The following MUSK variants were observed in gnomAD, a reference collection of about 807,000 sequenced individuals.
The protein encoded by MUSK is muscle, skeletal receptor tyrosine-protein kinase.
In MUSK, 55 loss-of-function variants were observed where a neutral mutation model predicts 88.7. The ratio of observed to expected loss-of-function variants is 0.62; its 90% confidence interval spans 0.50 to 0.78. The LOEUF (loss-of-function observed/expected upper bound fraction) is 0.78, where lower values mean the gene tolerates loss of function less well. MUSK is among the 30% of genes least tolerant of loss of function. The probability of loss-of-function intolerance (pLI) is 0.00; values close to 1 mark genes in which losing one functional copy is unlikely to be tolerated. For synonymous variants in MUSK, 387 were observed against 391.9 expected (o/e 0.99, Z 0.15); for missense variants, 1,015 against 1,074.3 (o/e 0.94, Z 0.77).
At chr9:110,737,891 C>T (rs745473429) in intron 6 of MUSK, among the ~76,000 whole-genome samples, 15 of 152,158 alleles carry the variant, frequency 9.9e-5, no homozygotes, top group Admixed American at 2.0e-4. Context: ...TGATTGTCAA[C>T]TATAGGAACC....
intron 9 of MUSK, 96 bp from the exon 10 acceptor site, chr9:110,775,692 T>C (rs989038655): frequency 4.6e-5 from 53 of 1,160,442 alleles, no homozygotes; most frequent in African/African-American, 7.6e-5. Flanking sequence ...CAATTTACCA[T>C]GATGATGTCT....
At chr9:110,744,974 T>C (rs1252553381) in intron 6 of MUSK, among the ~76,000 whole-genome samples, 2 of 152,198 alleles carry the variant, frequency 1.3e-5, no homozygotes, top group Non-Finnish European at 2.9e-5. Flanking sequence ...GTTTTTATTT[T>C]CAGATCATCA....
chr9:110,680,871 C>A (rs1040818436), intron 1 of MUSK, among the ~76,000 whole-genome samples: 2 of 139,728 alleles, frequency 1.4e-5, no homozygotes, highest in Non-Finnish European at 3.0e-5. Context: ...TCACTGTATA[C>A]TTTATATCTC....
chr9:110,765,987 C>T (rs2077477385), intron 8 of MUSK, among the ~76,000 whole-genome samples: 1 of 152,090 alleles, frequency 6.6e-6, no homozygotes, highest in South Asian at 2.1e-4. Context: ...GAAACTAGCC[C>T]ATCCTGCTTG....
intron 9 of MUSK, among the ~76,000 whole-genome samples, chr9:110,768,979 T>C (rs905207649): frequency 3.3e-5 from 5 of 152,190 alleles, no homozygotes; most frequent in Non-Finnish European, 7.4e-5. Context: ...AAAAAGAATC[T>C]AGTTTTTGAG....
intron 8 of MUSK, among the ~76,000 whole-genome samples, chr9:110,767,599 G>A (rs575818064): frequency 1.3e-5 from 2 of 151,990 alleles, no homozygotes; most frequent in African/African-American, 2.4e-5. Flanking sequence ...CACATCTATC[G>A]TCACATTTGG....
Position 110,785,020 on chromosome 9 carries a change from A to C in MUSK, c.1586+4A>C, listed in dbSNP as rs752586658. 1.2e-5 allele frequency: 20 copies of C among 1,612,764 alleles called. No homozygotes were observed. The highest frequency in any genetic ancestry group is 1.7e-5 in the Non-Finnish European group (20 of 1,179,272). On this transcript the variant is annotated splice_donor_region_variant and intron_variant, in intron 12 of 14. Coordinates refer to ENST00000374448, the MANE Select transcript of MUSK (RefSeq NM_005592.4). ...AACAATGGAAAAATAAGAAAAGGTGAGATTCTAGTTTCAGCTAACCATGTG... is the reference window on the plus strand; with the variant it reads ...AACAATGGAAAAATAAGAAAAGGTGCGATTCTAGTTTCAGCTAACCATGTG...
intron 3 of MUSK, among the ~76,000 whole-genome samples, chr9:110,690,220 G>GTATA (rs1554736134): frequency 5.6e-5 from 3 of 53,196 alleles, no homozygotes; most frequent in South Asian, 7.5e-4. Flanking sequence ...ATATATTTAA[G>GTATA]TATAAATATA....
At chr9:110,734,101 G>T in intron 5 of MUSK, 150 bp from the exon 6 acceptor site, 1 of 809,148 alleles carries the variant, frequency 1.2e-6, no homozygotes. Context: ...TTGGAGGCTC[G>T]GCCATGGCAT....
chr9:110,785,644 G>T lies in MUSK; in HGVS notation c.1704G>T (p.Leu568=), dbSNP rs2077843780. The T allele has an allele frequency of 6.2e-7, 1 of 1,613,228 alleles. No individual in the cohort carries two copies. The highest frequency in any genetic ancestry group is 8.5e-7 in the Non-Finnish European group (1 of 1,179,530). ...TTCTGAACCCCAAATTGCTCAGCCT[G>T]GAGTATCCAAGGAATAACATTGAAT... ...PLLLNPKLLS[L]EYPRNNIEYV... The change falls in exon 13 of 15, where the codon CTG becomes CTT. Residue 568 remains leucine (L), a synonymous_variant. Transcript: ENST00000374448.
intron 8 of MUSK, among the ~76,000 whole-genome samples, chr9:110,764,635 A>ATAGG (rs1244106929): frequency 1.3e-5 from 2 of 150,860 alleles, no homozygotes; most frequent in African/African-American, 4.9e-5. Context: ...AGATAGATAG[A>ATAGG]TAGGTAGGTA....
At chr9:110,724,634 C>G (rs2076859231) in intron 5 of MUSK, among the ~76,000 whole-genome samples, 2 of 152,014 alleles carry the variant, frequency 1.3e-5, no homozygotes, top group Non-Finnish European at 2.9e-5. Flanking sequence ...AGAATTGGAA[C>G]TCAGCAGTGA....
chr9:110,689,125 A>G (rs192426904), intron 3 of MUSK, among the ~76,000 whole-genome samples: 2,813 of 133,550 alleles, frequency 0.021, 120 homozygotes, highest in African/African-American at 0.075. Context: ...TTATTTATAT[A>G]AACTACATAA....
chr9:110,712,905 T>C (rs1018086944), intron 5 of MUSK, among the ~76,000 whole-genome samples: 2 of 152,154 alleles, frequency 1.3e-5, no homozygotes, highest in Non-Finnish European at 2.9e-5. Flanking sequence ...TAAAATGCAA[T>C]ATATTTACAA....
At chr9:110,694,396 AAAAAAAAAAACAAAAAAAC>A (rs1564224126) in intron 3 of MUSK, among the ~76,000 whole-genome samples, 4 of 144,988 alleles carry the variant, frequency 2.8e-5, no homozygotes, top group African/African-American at 8.1e-5. Flanking sequence ...AAAAAAAAAA[AAAAAAAAAAACAAAAAAAC>A]AAAACCCAAC....
chr9:110,688,100 T>C (rs2076221688), intron 3 of MUSK, among the ~76,000 whole-genome samples: 1 of 152,100 alleles, frequency 6.6e-6, no homozygotes, highest in East Asian at 1.9e-4. Context: ...TATTTTGTAT[T>C]CCTATACAAA....
At chr9:110,760,528 AAG>A (rs1355242363) in intron 7 of MUSK, among the ~76,000 whole-genome samples, 1 of 152,080 alleles carries the variant, frequency 6.6e-6, no homozygotes, top group Non-Finnish European at 1.5e-5. Flanking sequence ...CATGGACAGA[AAG>A]AGGGGAACAA....
At chr9:110,784,771 T>A (rs2077824769) in intron 11 of MUSK, 44 bp from the exon 12 acceptor site, 1 of 1,520,772 alleles carries the variant, frequency 6.6e-7, no homozygotes, top group Admixed American at 2.0e-5. Flanking sequence ...AAATTGCTTC[T>A]TAAAGGTTTG....
At chr9:110,789,968 G>C (rs903109618) in intron 14 of MUSK, among the ~76,000 whole-genome samples, 1 of 152,124 alleles carries the variant, frequency 6.6e-6, no homozygotes, top group Admixed American at 6.5e-5. Flanking sequence ...CCTAAGTATG[G>C]AGAAAGCAAG....
Sources: gnomAD v4.1 joint callset for allele counts (sites outside exome capture counted in the v4.1 genomes callset) on GRCh38, gnomAD v4.1.1 for gene constraint, MANE v1.5 for transcripts, NCBI Gene and HGNC (gene_info 2026-07-23, HGNC 2026-07-21) for gene names.